The following SYNE2 variants were observed in gnomAD, a reference collection of about 807,000 sequenced individuals.
SYNE2 encodes nesprin-2.
SYNE2 carries 431 observed loss-of-function variants against 856.3 expected under a neutral mutation model. The ratio of observed to expected loss-of-function variants is 0.50; its 90% CI spans 0.47 to 0.55. SYNE2 has a LOEUF of 0.55. SYNE2 is among the 20% of genes least tolerant of loss of function. The probability of loss-of-function intolerance (pLI) is 0.00; values close to 1 mark genes in which losing one functional copy is unlikely to be tolerated. For synonymous variants in SYNE2, 2,923 were observed against 2,872.3 expected (o/e 1.02, Z -0.56); for missense variants, 8,129 against 8,023.2 (o/e 1.01, Z -0.50).
At chr14:64,088,136 T>C (rs2097578103) in intron 58 of SYNE2, among the ~76,000 whole-genome samples, 1 of 152,142 alleles carries the variant, frequency 6.6e-6, no homozygotes, top group Non-Finnish European at 1.5e-5. Flanking sequence ...TGAGCCAAGA[T>C]TGCGCCACTG....
intron 1 of SYNE2, among the ~76,000 whole-genome samples, chr14:63,895,109 CTTTT>C (rs112926329): frequency 7.0e-6 from 1 of 142,150 alleles, no homozygotes; most frequent in Admixed American, 7.0e-5. Context: ...ATTTTCTTTT[CTTTT>C]TTTTTTTTTT....
At chr14:63,956,610 G>A (rs2096244834) in intron 8 of SYNE2, among the ~76,000 whole-genome samples, 3 of 151,972 alleles carry the variant, frequency 2.0e-5, no homozygotes, top group Admixed American at 2.0e-4. Context: ...ATACAAATTA[G>A]TGGTTTCTAG....
At chr14:63,937,060 G>A (rs1231965127) in intron 2 of SYNE2, among the ~76,000 whole-genome samples, 1 of 152,170 alleles carries the variant, frequency 6.6e-6, no homozygotes, top group African/African-American at 2.4e-5. Context: ...TGCTGCTGAT[G>A]GGTCCAGCAG....
Position 64,025,402 on chromosome 14 carries a change from A to G in SYNE2, c.6233A>G (p.Glu2078Gly), listed in dbSNP as rs61058354. The change falls in exon 41 of 116, where the codon GAA (glutamate) becomes GGA (glycine). Residue 2078 changes from glutamate to glycine, a missense_variant. Transcript: ENST00000555002. ...NSSEGKMPLE[E>G]RIQKIKEIIL... ...TCCGAAGGCAAAATGCCACTTGAGG[A>G]AAGAATCCAAAAAATCAAGGTATAA... 1 of 1,612,780 alleles carries G rather than the reference A, an allele frequency of 6.2e-7. No individual in the cohort carries two copies. The highest frequency in any genetic ancestry group is 8.5e-7 in the Non-Finnish European group (1 of 1,179,920).
intron 27 of SYNE2, among the ~76,000 whole-genome samples, chr14:63,999,990 C>T (rs1306994373): frequency 6.6e-6 from 1 of 152,148 alleles, no homozygotes; most frequent in African/African-American, 2.4e-5. Context: ...GTTAGAAAAA[C>T]TATACTAATC....
At chr14:63,773,075 G>C (rs1486098929) in intron 1 of SYNE2, among the ~76,000 whole-genome samples, 1 of 151,772 alleles carries the variant, frequency 6.6e-6, no homozygotes, top group Non-Finnish European at 1.5e-5. Flanking sequence ...ACTGCGCCCA[G>C]CCTATATTAC....
intron 40 of SYNE2, 39 bp downstream of exon 40, chr14:64,025,070 A>G (rs1567085260): frequency 1.9e-6 from 3 of 1,614,002 alleles, no homozygotes; most frequent in Non-Finnish European, 2.5e-6. Context: ...ACCTGAGATT[A>G]TGGTTTCTTC....
intron 21 of SYNE2, among the ~76,000 whole-genome samples, chr14:63,991,959 C>T (rs1012949879): frequency 3.3e-5 from 5 of 152,026 alleles, no homozygotes; most frequent in Non-Finnish European, 7.4e-5. Flanking sequence ...TGGGCCTCAA[C>T]CCTGTTTTGG....
chr14:63,983,640 A>G lies in SYNE2; in HGVS notation c.2002-97A>G. ...ACACTGTTGTAGTTTAATCCTAAAC[A>G]TATATTTGAATATATTACATCCACT... On this transcript the variant is annotated intron_variant, in intron 17 of 115. Transcript: ENST00000555002. 3.9e-6 allele frequency: 4 copies of G among 1,035,386 alleles called. No homozygotes were observed. The South Asian group carries it at 4.3e-5, about 11-fold the overall frequency. The allele number at this position is 1,035,386 out of a possible 1,614,324, so 64.1% of individuals were successfully genotyped here.
At chr14:64,059,688 G>A (rs1041594265) in intron 49 of SYNE2, among the ~76,000 whole-genome samples, 1 of 152,262 alleles carries the variant, frequency 6.6e-6, no homozygotes, top group Non-Finnish European at 1.5e-5. Flanking sequence ...TATTGCCTAC[G>A]TTTGCTCAAG....
intron 11 of SYNE2, among the ~76,000 whole-genome samples, chr14:63,968,911 G>A (rs1452495148): frequency 6.6e-6 from 1 of 152,142 alleles, no homozygotes; most frequent in Admixed American, 6.6e-5. Flanking sequence ...TCACCGTGTT[G>A]TGCTATCAAA....
At chr14:63,800,131 G>A (rs1888076222) in intron 1 of SYNE2, among the ~76,000 whole-genome samples, 1 of 152,196 alleles carries the variant, frequency 6.6e-6, no homozygotes, top group Non-Finnish European at 1.5e-5. Context: ...TTAACTCTGT[G>A]ACCTGTGTTA....
At chr14:63,842,691 C>G (rs1890108861) in intron 1 of SYNE2, among the ~76,000 whole-genome samples, 1 of 152,024 alleles carries the variant, frequency 6.6e-6, no homozygotes, top group African/African-American at 2.4e-5. Flanking sequence ...AACTCCTGAC[C>G]TCAAATGACC....
At chr14:64,115,242 T>C (rs2097845178) in intron 66 of SYNE2, among the ~76,000 whole-genome samples, 1 of 152,138 alleles carries the variant, frequency 6.6e-6, no homozygotes, top group African/African-American at 2.4e-5. Context: ...GACTACCAGG[T>C]GGCAGTTGCA....
intron 11 of SYNE2, 117 bp from the exon 12 acceptor site, chr14:63,976,446 C>A: frequency 9.4e-7 from 1 of 1,067,776 alleles, no homozygotes; most frequent in South Asian, 1.5e-5. Flanking sequence ...TAATTGATCA[C>A]ATTTATCAGA....
intron 1 of SYNE2, among the ~76,000 whole-genome samples, chr14:63,773,624 C>T (rs1399316835): frequency 6.6e-6 from 1 of 152,138 alleles, no homozygotes; most frequent in African/African-American, 2.4e-5. Context: ...TTTACAAGTG[C>T]AATCATACCA....
chr14:63,826,896 C>T (rs917819116), intron 1 of SYNE2, among the ~76,000 whole-genome samples: 1 of 151,944 alleles, frequency 6.6e-6, no homozygotes, highest in Non-Finnish European at 1.5e-5. Context: ...TAAAAACTCC[C>T]CAAGAAAGTG....
At chr14:63,960,488 CA>C (rs2096295832) in intron 8 of SYNE2, among the ~76,000 whole-genome samples, 1 of 152,136 alleles carries the variant, frequency 6.6e-6, no homozygotes, top group African/African-American at 2.4e-5. Flanking sequence ...GTAAGATCTC[CA>C]AAGGCATGGA....
chr14:64,174,850 A>T, intron 94 of SYNE2, 94 bp from the exon 95 acceptor site: 1 of 1,197,936 alleles, frequency 8.3e-7, no homozygotes, highest in Non-Finnish European at 1.2e-6. Context: ...TTTAACTCTT[A>T]AGAAAAGCTC....
Sources: gnomAD v4.1 joint callset for allele counts (sites outside exome capture counted in the v4.1 genomes callset) on GRCh38, gnomAD v4.1.1 for gene constraint, MANE v1.5 for transcripts, NCBI Gene and HGNC (gene_info 2026-07-23, HGNC 2026-07-21) for gene names.